The following GRIN2A variants were observed in gnomAD, a reference collection of about 807,000 sequenced individuals.
GRIN2A encodes glutamate receptor ionotropic, NMDA 2A.
GRIN2A carries 22 observed loss-of-function variants against 113.4 expected under a neutral mutation model. The observed-to-expected ratio is 0.19, with a 90% CI of 0.14 to 0.28. The LOEUF is 0.28. Ranked by LOEUF, GRIN2A falls within the 10% of genes least tolerant of loss-of-function variation. The pLI is 1.00. For synonymous variants in GRIN2A, 827 were observed against 738.4 expected (o/e 1.12, Z -1.94); for missense variants, 1,502 against 1,887.0 (o/e 0.80, Z 3.78).
At chr16:10,110,713 T>G (rs1166874526) in intron 2 of GRIN2A, among the ~76,000 whole-genome samples, 1 of 152,250 alleles carries the variant, frequency 6.6e-6, no homozygotes, top group African/African-American at 2.4e-5. Context: ...GTTTTCCTCC[T>G]GGGAATATTT....
intron 4 of GRIN2A, among the ~76,000 whole-genome samples, chr16:9,854,694 C>T (rs939576550): frequency 6.6e-6 from 1 of 152,146 alleles, no homozygotes; most frequent in Non-Finnish European, 1.5e-5. Context: ...GAACACCACA[C>T]TCAGCTGAGT....
intron 2 of GRIN2A, among the ~76,000 whole-genome samples, chr16:9,981,168 C>T (rs1416043090): frequency 2.0e-5 from 3 of 152,032 alleles, no homozygotes; most frequent in Non-Finnish European, 4.4e-5. Flanking sequence ...AGAATAAAAA[C>T]TGAAAATGCC....
At chr16:10,095,817 C>A (rs1161923303) in intron 2 of GRIN2A, among the ~76,000 whole-genome samples, 1 of 152,112 alleles carries the variant, frequency 6.6e-6, no homozygotes, top group African/African-American at 2.4e-5. Flanking sequence ...CGGACATCAT[C>A]TCTTGATACA....
At chr16:10,030,950 TC>T (rs1333522718) in intron 2 of GRIN2A, among the ~76,000 whole-genome samples, 1 of 152,224 alleles carries the variant, frequency 6.6e-6, no homozygotes, top group African/African-American at 2.4e-5. Flanking sequence ...TTGGTATGTC[TC>T]ATGCACCATC....
intron 2 of GRIN2A, among the ~76,000 whole-genome samples, chr16:9,966,435 C>CA (rs1260827250): frequency 1.3e-5 from 2 of 152,182 alleles, no homozygotes; most frequent in African/African-American, 4.8e-5. Context: ...CATGTCCCTG[C>CA]ACAGGACATG....
intron 3 of GRIN2A, among the ~76,000 whole-genome samples, chr16:9,918,368 A>G (rs751125195): frequency 2.9e-4 from 44 of 152,224 alleles, no homozygotes; most frequent in Non-Finnish European, 3.7e-4. Context: ...CATACCTATG[A>G]TAAAGTTCAT....
At chr16:10,095,405 A>G (rs1455863509) in intron 2 of GRIN2A, among the ~76,000 whole-genome samples, 3 of 152,226 alleles carry the variant, frequency 2.0e-5, no homozygotes, top group African/African-American at 7.2e-5. Flanking sequence ...AACGACAGTA[A>G]TGGATTATAA....
intron 2 of GRIN2A, among the ~76,000 whole-genome samples, chr16:10,133,235 G>T (rs766744562): frequency 5.9e-5 from 9 of 152,198 alleles, no homozygotes; most frequent in Non-Finnish European, 1.0e-4. Context: ...TGCCTGCCAG[G>T]CCACCATCTT....
In GRIN2A at chr16:9,823,235, A is replaced by G. The variant is rs144253266; in HGVS notation, c.2008-811T>C. On this transcript the variant is annotated intron_variant, in intron 9 of 12. Transcript: ENST00000330684. ...AGTCGAATCAATAGAACTGGATCTG[A>G]GTTCCAGAAATACAGCTAAACACTA... Among the ~76,000 whole-genome samples the G allele has an allele frequency of 1.4e-4, 22 of 152,302 alleles. No homozygotes were observed. The East Asian group carries it at 2.3e-3, about 16-fold the overall frequency.
intron 7 of GRIN2A, among the ~76,000 whole-genome samples, chr16:9,837,348 G>A (rs2042598606): frequency 6.6e-6 from 1 of 152,160 alleles, no homozygotes; most frequent in African/African-American, 2.4e-5. Context: ...TGTGGGGAAA[G>A]AGAGGTTTTG....
chr16:9,901,072 G>T (rs148661264), intron 3 of GRIN2A, among the ~76,000 whole-genome samples: 48 of 152,262 alleles, frequency 3.2e-4, no homozygotes, highest in Admixed American at 2.9e-3. Context: ...AGAATTTCTG[G>T]ATATTCACAT....
At chr16:9,814,052 C>T (rs1224416934) in intron 10 of GRIN2A, among the ~76,000 whole-genome samples, 1 of 152,180 alleles carries the variant, frequency 6.6e-6, no homozygotes, top group Non-Finnish European at 1.5e-5. Context: ...TTATACTCTC[C>T]TGGTTTACCT....
At chr16:9,797,723 A>C (rs1903088818) in intron 11 of GRIN2A, among the ~76,000 whole-genome samples, 1 of 152,174 alleles carries the variant, frequency 6.6e-6, no homozygotes, top group Non-Finnish European at 1.5e-5. Flanking sequence ...TTTGTACAGC[A>C]GCGTTTCTCA....
At chr16:9,970,123 AAGC>A (rs2045641918) in intron 2 of GRIN2A, among the ~76,000 whole-genome samples, 1 of 152,212 alleles carries the variant, frequency 6.6e-6, no homozygotes. Context: ...ATACAGAAAA[AAGC>A]AGCTCAAATT....
At chr16:9,908,410 T>A (rs2044069098) in intron 3 of GRIN2A, among the ~76,000 whole-genome samples, 1 of 58,010 alleles carries the variant, frequency 1.7e-5, no homozygotes, top group Non-Finnish European at 3.7e-5. Flanking sequence ...AGAATATAGC[T>A]TTTTTTTCTT....
rs751242829 is a variant in GRIN2A, at chr16:9,885,645, G to A, written c.1122+5341C>T. 5.3e-5 allele frequency among the ~76,000 whole-genome samples: 8 copies of A among 152,260 alleles called. No individual in the cohort carries two copies. The East Asian group carries it at 7.7e-4, about 15-fold the overall frequency. On this transcript the variant is annotated intron_variant, in intron 4 of 12. Coordinates refer to ENST00000330684, the MANE Select transcript of GRIN2A (RefSeq NM_001134407.3). ...CTGACCTCGGAGATGAAAAGAAATC[G>A]CCTCCGAGTCCCAGAATAACAGCTC...
intron 2 of GRIN2A, among the ~76,000 whole-genome samples, chr16:10,108,983 A>C (rs1470844281): frequency 3.3e-5 from 5 of 150,964 alleles, no homozygotes. Context: ...AATAACAGAG[A>C]AAACTAATGA....
intron 2 of GRIN2A, among the ~76,000 whole-genome samples, chr16:10,175,983 T>G (rs567772748): frequency 6.6e-6 from 1 of 151,854 alleles, no homozygotes; most frequent in African/African-American, 2.4e-5. Context: ...ACCTCTTATT[T>G]ATTGATTTTA....
chr16:10,029,856 G>C (rs985323375), intron 2 of GRIN2A, among the ~76,000 whole-genome samples: 1 of 152,070 alleles, frequency 6.6e-6, no homozygotes, highest in Non-Finnish European at 1.5e-5. Context: ...AATTAGCCAG[G>C]TGTGGTGCTG....
Sources: allele counts gnomAD v4.1 joint callset (sites outside exome capture counted in the v4.1 genomes callset), GRCh38; gene constraint gnomAD v4.1.1; transcripts MANE v1.5; gene names NCBI Gene and HGNC (gene_info 2026-07-23, HGNC 2026-07-21).